Variants in RGS9 observed in about 807,000 individuals in gnomAD.
RGS9 encodes the protein regulator of G-protein signalling 9.
In RGS9, 78 loss-of-function variants were observed where a neutral mutation model predicts 102.0. The observed-to-expected ratio is 0.76, with a 90% CI of 0.64 to 0.92. The LOEUF is 0.92. Ranked by LOEUF, RGS9 falls within the 40% of genes least tolerant of loss-of-function variation. The pLI is 0.00. For synonymous variants in RGS9, 353 were observed against 318.6 expected (o/e 1.11, Z -1.15); for missense variants, 833 against 866.1 (o/e 0.96, Z 0.48).
Position 65,225,116 on chromosome 17 carries a change from G to C in RGS9, c.1522G>C (p.Ala508Pro). Residue 508 changes from alanine to proline, a missense_variant, in exon 18 of 19, where the codon GCC (alanine) becomes CCC (proline). By Grantham distance (27) the Ala-to-Pro change is conservative (BLOSUM62 -1). This residue lies in a region of RGS9 where 320 missense variants were observed against 276.8 expected (regional missense o/e 1.16). Transcript: ENST00000262406. Reference protein sequence around the residue: ...SSCRSPRKPFASPSRFIRRPS... With the variant: ...SSCRSPRKPFPSPSRFIRRPS... ...CTGCCGCTCCCCCAGGAAGCCTTTC[G>C]CCTCACCCAGCCGCTTCATCCGGCG... 1 of 1,613,700 alleles carries C rather than the reference G, an allele frequency of 6.2e-7. No individual in the cohort carries two copies. The highest frequency in any genetic ancestry group is 2.2e-5 in the East Asian group (1 of 44,882).
chr17:65,199,796 G>A (rs8075687), intron 13 of RGS9, among the ~76,000 whole-genome samples: 2 of 151,592 alleles, frequency 1.3e-5, no homozygotes, highest in South Asian at 2.1e-4. Context: ...GCCTGGCCAC[G>A]TGGTTCCTTT....
intron 3 of RGS9, 56 bp from the exon 4 acceptor site, chr17:65,160,177 A>G: frequency 7.2e-7 from 1 of 1,392,480 alleles, no homozygotes; most frequent in South Asian, 1.2e-5. Context: ...GGGGCCGGCA[A>G]TGAGCTCCTG....
Position 65,160,595 on chromosome 17 carries a change from C to T in RGS9, c.364+8C>T, listed in dbSNP as rs770871617. 54 of 1,613,898 alleles carry T rather than the reference C, an allele frequency of 3.3e-5. No homozygotes were observed. The highest frequency in any genetic ancestry group is 1.6e-4 in the Middle Eastern group (1 of 6,084). The stretch of plus-strand genomic sequence containing the variant: ...CTGAAGATACCGATTACGGTAAATA[C>T]TTCAGCCCCAACTATGCCTTTGGTA... On this transcript the variant is annotated splice_region_variant and intron_variant, in intron 5 of 18. Coordinates refer to ENST00000262406, the MANE Select transcript of RGS9 (RefSeq NM_003835.4).
At chr17:65,221,432 TG>T (rs1913703675) in intron 17 of RGS9, among the ~76,000 whole-genome samples, 1 of 152,194 alleles carries the variant, frequency 6.6e-6, no homozygotes, top group Non-Finnish European at 1.5e-5. Context: ...GTATCTCTCT[TG>T]ACAAAGCCGA....
intron 17 of RGS9, among the ~76,000 whole-genome samples, chr17:65,214,600 T>A (rs1913420091): frequency 6.6e-6 from 1 of 152,368 alleles, no homozygotes; most frequent in South Asian, 2.1e-4. Context: ...GCAGGGCATG[T>A]GGGCAGAGCC....
intron 9 of RGS9, among the ~76,000 whole-genome samples, chr17:65,186,373 G>A (rs1047373518): frequency 2.0e-5 from 3 of 150,940 alleles, no homozygotes. Flanking sequence ...TCATCACCAT[G>A]CCCGGCTAAT....
chr17:65,149,271 G>A (rs757249956), intron 1 of RGS9, among the ~76,000 whole-genome samples: 2 of 152,142 alleles, frequency 1.3e-5, no homozygotes, highest in East Asian at 1.9e-4. Flanking sequence ...ATCGCACCGG[G>A]CCTGATGCTA....
Position 65,227,461 on chromosome 17 carries a change from T to G in RGS9, c.*54T>G. 1 of 1,575,854 alleles carries G rather than the reference T, an allele frequency of 6.3e-7. No individual in the cohort carries two copies. Among genetic ancestry groups the G allele is most frequent in the Non-Finnish European group, 8.6e-7 (1 of 1,160,172 alleles). ...TGGACCAGGAAGATGCTCTGACAGA[T>G]GCCATGGTATGGGCCACAGGACACA... On this transcript the variant is annotated 3_prime_UTR_variant, in exon 19 of 19. Coordinates refer to ENST00000262406, the MANE Select transcript of RGS9 (RefSeq NM_003835.4).
chr17:65,141,886 G>T (rs980439165), intron 1 of RGS9, among the ~76,000 whole-genome samples: 1 of 152,246 alleles, frequency 6.6e-6, no homozygotes, highest in African/African-American at 2.4e-5. Context: ...TTGGGAGATT[G>T]CCTGCGGGTT....
chr17:65,222,217 C>T (rs1241082795), intron 17 of RGS9, among the ~76,000 whole-genome samples: 1 of 152,216 alleles, frequency 6.6e-6, no homozygotes, highest in African/African-American at 2.4e-5. Context: ...TCTTCAAAGC[C>T]AGCCATGGAG....
rs376051034 is a variant in RGS9, at chr17:65,160,395, G to T, written c.312+56G>T. 1.1e-3 allele frequency: 1,769 copies of T among 1,564,274 alleles called. 33 individuals carry two copies. In the South Asian group the frequency reaches 0.017, roughly 15 times the overall value. ...TATGGGGTTGATCTCATTTGAAAAG[G>T]TGGGGTTCATAGTTTCACAGATCAA... On this transcript the variant is annotated intron_variant, in intron 4 of 18. Coordinates refer to ENST00000262406, the MANE Select transcript of RGS9 (RefSeq NM_003835.4).
Position 65,219,315 on chromosome 17 carries a change from G to A in RGS9, c.1408-5687G>A, listed in dbSNP as rs562520544. Among the ~76,000 whole-genome samples, 494 of 152,322 alleles carry A rather than the reference G, an allele frequency of 3.2e-3. 4 individuals carry two copies. Among genetic ancestry groups the A allele is most frequent in the African/African-American group, 0.011 (470 of 41,558 alleles). The stretch of plus-strand genomic sequence containing the variant: ...ATGTTTGGTAGTGAAGGGACTGCAG[G>A]TTCTGAGGGCTTGCAAGCATCTGTG... On this transcript the variant is annotated intron_variant, in intron 17 of 18. Coordinates refer to ENST00000262406, the MANE Select transcript of RGS9 (RefSeq NM_003835.4).
At chr17:65,201,878 C>G (rs58248868) in intron 13 of RGS9, 115 bp from the exon 14 acceptor site, 45,747 of 737,822 alleles carry the variant, frequency 0.062, 2,937 homozygotes, top group African/African-American at 0.27. Flanking sequence ...GAAAGGTGTT[C>G]ACTGAGCTGG....
intron 17 of RGS9, 141 bp from the exon 18 acceptor site, chr17:65,224,861 C>A: frequency 8.6e-7 from 1 of 1,161,476 alleles, no homozygotes; most frequent in Non-Finnish European, 1.3e-6. Context: ...GGACACCGTT[C>A]CCAGCTCCCT....
intron 15 of RGS9, among the ~76,000 whole-genome samples, chr17:65,204,722 A>C (rs1252181133): frequency 6.6e-6 from 1 of 152,166 alleles, no homozygotes; most frequent in Non-Finnish European, 1.5e-5. Flanking sequence ...GGTAGGAGTA[A>C]TGGCATTAGT....
At chr17:65,202,145 T>C in intron 14 of RGS9, 65 bp downstream of exon 14, 1 of 1,125,982 alleles carries the variant, frequency 8.9e-7, no homozygotes, top group Non-Finnish European at 1.4e-6. Flanking sequence ...CCATTGTGCT[T>C]GAGGTGAAGA....
chr17:65,197,252 G>A lies in RGS9; in HGVS notation c.976+11G>A. On this transcript the variant is annotated intron_variant, in intron 13 of 18. Coordinates refer to ENST00000262406, the MANE Select transcript of RGS9 (RefSeq NM_003835.4). ...AGAAAGAATTCAGTGGTGGGTCTTT[G>A]TTTACAAAAAAAAATTAAAATAACT... 6.5e-7 allele frequency: 1 copy of A among 1,536,228 alleles called. No homozygotes were observed. Among genetic ancestry groups the A allele is most frequent in the South Asian group, 1.1e-5 (1 of 88,212 alleles).
intron 17 of RGS9, among the ~76,000 whole-genome samples, chr17:65,222,330 C>T (rs1260963261): frequency 6.6e-6 from 1 of 152,234 alleles, no homozygotes; most frequent in Non-Finnish European, 1.5e-5. Flanking sequence ...AGCTGGAGCT[C>T]ACCCAGACAC....
At chr17:65,162,003 T>C (rs1252900646) in intron 6 of RGS9, among the ~76,000 whole-genome samples, 1 of 151,850 alleles carries the variant, frequency 6.6e-6, no homozygotes, top group African/African-American at 2.4e-5. Flanking sequence ...AGGCCACGTG[T>C]TTTTATTCTT....
Sources: allele counts gnomAD v4.1 joint callset (sites outside exome capture counted in the v4.1 genomes callset), GRCh38; gene constraint gnomAD v4.1.1; regional missense constraint gnomAD v4.1.1; transcripts MANE v1.5; gene names NCBI Gene and HGNC (gene_info 2026-07-23, HGNC 2026-07-21).